The following SNTG2 variants were observed in gnomAD, a reference collection of about 807,000 sequenced individuals.
The protein encoded by SNTG2 is syntrophin gamma 2.
SNTG2 carries 74 observed loss-of-function variants against 70.9 expected under a neutral mutation model. The ratio of observed to expected loss-of-function variants is 1.04; its 90% CI spans 0.86 to 1.27. The LOEUF (loss-of-function observed/expected upper bound fraction) is 1.27, where lower values mean the gene tolerates loss of function less well. Among genes scored for constraint, SNTG2 ranks in the 50% most tolerant of loss-of-function variants. SNTG2 has a pLI of 0.00. For missense variants in SNTG2, 717 were observed against 690.7 expected (o/e 1.04, Z -0.43); for synonymous variants, 278 against 273.8 (o/e 1.02, Z -0.15).
intron 4 of SNTG2, among the ~76,000 whole-genome samples, chr2:1,114,096 G>T (rs111776534): frequency 0.017 from 1,773 of 105,914 alleles, 31 homozygotes; most frequent in African/African-American, 0.054. Flanking sequence ...CTAAGTGAGG[G>T]TTAACCCTTA....
In SNTG2 at chr2:1,019,497, G is replaced by C. The variant is rs553381122; in HGVS notation, c.73-64021G>C. Among the ~76,000 whole-genome samples, 13 of 152,232 alleles carry C rather than the reference G, an allele frequency of 8.5e-5. No individual in the cohort carries two copies. The South Asian group carries it at 2.5e-3, about 29-fold the overall frequency. ...AATGTGGAGGGAGTGACCAGGTGTG[G>C]TATCCAAGGGAAGAAATGGCAAGGA... is the stretch of plus-strand genomic sequence containing the variant. On this transcript the variant is annotated intron_variant, in intron 1 of 16. Coordinates refer to ENST00000308624, the MANE Select transcript of SNTG2 (RefSeq NM_018968.4).
chr2:1,265,506 C>G (rs999447066), intron 13 of SNTG2, among the ~76,000 whole-genome samples: 1 of 152,210 alleles, frequency 6.6e-6, no homozygotes, highest in African/African-American at 2.4e-5. Context: ...GCAATGCTCT[C>G]CATGATCAGA....
At position 1,079,409 on chromosome 2, in the gene SNTG2, A is replaced by C. The variant is rs1218728611; in HGVS notation, c.73-4109A>C. ...GAAGAAAGGGATTAGCATAAATTGCAACTTTGATTTGGAACGCCTAATTAC... is the reference window on the plus strand; with the variant it reads ...GAAGAAAGGGATTAGCATAAATTGCCACTTTGATTTGGAACGCCTAATTAC... On this transcript the variant is annotated intron_variant, in intron 1 of 16. Transcript: ENST00000308624. Among the ~76,000 whole-genome samples the C allele has an allele frequency of 2.0e-5, 3 of 152,226 alleles. No homozygotes were observed. In the East Asian group the frequency reaches 5.8e-4, roughly 29 times the overall value.
chr2:1,346,658 G>A (rs1433334920), intron 16 of SNTG2: 1 of 152,206 alleles, frequency 6.6e-6, no homozygotes, highest in Admixed American at 6.5e-5. Context: ...CTGCGACCTG[G>A]GGACACACAG....
chr2:1,230,862 C>G (rs1198050712), intron 9 of SNTG2, among the ~76,000 whole-genome samples: 5 of 152,094 alleles, frequency 3.3e-5, no homozygotes, highest in African/African-American at 1.2e-4. Flanking sequence ...TGAAATAGAT[C>G]TGAAACATAA....
chr2:1,350,310 G>A (rs1333365193), intron 16 of SNTG2, among the ~76,000 whole-genome samples: 1 of 152,188 alleles, frequency 6.6e-6, no homozygotes, highest in Non-Finnish European at 1.5e-5. Flanking sequence ...GGCTTTGGTC[G>A]AATTAATTTC....
intron 6 of SNTG2, among the ~76,000 whole-genome samples, chr2:1,150,447 G>T (rs1455522193): frequency 6.6e-6 from 1 of 152,174 alleles, no homozygotes; most frequent in Non-Finnish European, 1.5e-5. Context: ...ATCTGCATGA[G>T]ACATTTCATT....
chr2:1,358,699 T>C (rs1262903430), intron 16 of SNTG2, among the ~76,000 whole-genome samples: 1 of 152,186 alleles, frequency 6.6e-6, no homozygotes, highest in Admixed American at 6.5e-5. Flanking sequence ...TTCATGCTTT[T>C]GTAGTTGAAG....
At chr2:1,180,256 A>G (rs1424058439) in intron 8 of SNTG2, among the ~76,000 whole-genome samples, 1 of 133,382 alleles carries the variant, frequency 7.5e-6, no homozygotes, top group African/African-American at 2.7e-5. Context: ...ACAGCAAAAG[A>G]AACTACCATC....
chr2:1,100,229 C>G (rs142678532), intron 4 of SNTG2, among the ~76,000 whole-genome samples: 1 of 151,982 alleles, frequency 6.6e-6, no homozygotes, highest in African/African-American at 2.4e-5. Flanking sequence ...TGCAGAGGCG[C>G]GATCTCGGCT....
At chr2:1,119,129 AAAAC>A (rs948874325) in intron 4 of SNTG2, among the ~76,000 whole-genome samples, 2 of 152,214 alleles carry the variant, frequency 1.3e-5, no homozygotes, top group Admixed American at 6.5e-5. Context: ...ACCTACAGGG[AAAAC>A]AAACAAACAC....
chr2:1,350,177 A>G (rs958996216), intron 16 of SNTG2, among the ~76,000 whole-genome samples: 17 of 151,854 alleles, frequency 1.1e-4, no homozygotes, highest in Admixed American at 5.9e-4. Flanking sequence ...CTATTAGGAT[A>G]ATTATGGTTT....
At chr2:1,125,258 G>A (rs6725118) in intron 4 of SNTG2, among the ~76,000 whole-genome samples, 72,150 of 151,960 alleles carry the variant, frequency 0.47, 18,145 homozygotes, top group East Asian at 0.66. Context: ...TTCTTGCATA[G>A]CATATTTATT....
At chr2:1,348,929 G>A (rs181397517) in intron 16 of SNTG2, among the ~76,000 whole-genome samples, 8 of 152,254 alleles carry the variant, frequency 5.3e-5, no homozygotes, top group African/African-American at 1.9e-4. Flanking sequence ...TAGCCCAGTG[G>A]GTTATTCTTG....
chr2:1,113,226 C>T (rs113012674), intron 4 of SNTG2, among the ~76,000 whole-genome samples: 11 of 151,440 alleles, frequency 7.3e-5, no homozygotes, highest in African/African-American at 2.4e-4. Context: ...TTAACCTTTA[C>T]AGTCCTTTCA....
chr2:1,237,727 A>C (rs1275938491), intron 9 of SNTG2, among the ~76,000 whole-genome samples, 161 bp from the exon 10 acceptor site: 1 of 152,250 alleles, frequency 6.6e-6, no homozygotes, highest in Non-Finnish European at 1.5e-5. Context: ...TCTTGGTCTC[A>C]GCGAGCCTGC....
chr2:1,175,648 A>G (rs1671424486), intron 8 of SNTG2, among the ~76,000 whole-genome samples: 1 of 152,198 alleles, frequency 6.6e-6, no homozygotes, highest in African/African-American at 2.4e-5. Context: ...TAATTTTACA[A>G]GAGGATTGTA....
intron 1 of SNTG2, among the ~76,000 whole-genome samples, chr2:1,051,981 T>C (rs1662104144): frequency 6.6e-6 from 1 of 152,270 alleles, no homozygotes. Context: ...CATTTTTTAT[T>C]GTAGTTGCTT....
chr2:1,315,701 A>G (rs541564900), intron 15 of SNTG2, among the ~76,000 whole-genome samples: 2 of 152,290 alleles, frequency 1.3e-5, no homozygotes, highest in Admixed American at 1.3e-4. Context: ...TTAAAAGGCG[A>G]TATTTTTAAT....
Sources: allele counts gnomAD v4.1 joint callset (sites outside exome capture counted in the v4.1 genomes callset), GRCh38; gene constraint gnomAD v4.1.1; transcripts MANE v1.5; gene names NCBI Gene and HGNC (gene_info 2026-07-23, HGNC 2026-07-21).